EPB41L5: variants seen among roughly 807,000 people sequenced by gnomAD.
EPB41L5 encodes band 4.1-like protein 5.
A neutral mutation model predicts 106.6 loss-of-function variants in EPB41L5; 55 were observed. The ratio of observed to expected loss-of-function variants is 0.52; its 90% CI spans 0.42 to 0.65. The LOEUF (loss-of-function observed/expected upper bound fraction) is 0.65, where lower values mean the gene tolerates loss of function less well. Among genes scored for constraint, EPB41L5 ranks in the 30% least tolerant of loss-of-function variants. EPB41L5 has a pLI of 0.00. For missense variants in EPB41L5, 871 were observed against 882.1 expected (o/e 0.99, Z 0.16); for synonymous variants, 297 against 306.7 (o/e 0.97, Z 0.33).
At chr2:120,098,249 A>T (rs962128896) in intron 14 of EPB41L5, among the ~76,000 whole-genome samples, 8 of 149,974 alleles carry the variant, frequency 5.3e-5, no homozygotes, top group African/African-American at 2.0e-4. Flanking sequence ...TTGCCCTGTC[A>T]CCCAGGCTGC....
chr2:120,134,698 T>C (rs544635554), intron 18 of EPB41L5, among the ~76,000 whole-genome samples: 1 of 152,360 alleles, frequency 6.6e-6, no homozygotes, highest in African/African-American at 2.4e-5. Flanking sequence ...ACCAAGGCTG[T>C]ACCTTAACAA....
Position 120,031,550 on chromosome 2 carries a change from T to C in EPB41L5, c.181-10456T>C, listed in dbSNP as rs903561921. On this transcript the variant is annotated intron_variant, in intron 2 of 24. Transcript: ENST00000263713. ...CTGTTTTCACTTTCCTGTTTCCAGTTTGTTCATTTTCAATAGCTACAAGGT... is the reference window on the plus strand; with the variant it reads ...CTGTTTTCACTTTCCTGTTTCCAGTCTGTTCATTTTCAATAGCTACAAGGT... 2.7e-4 allele frequency among the ~76,000 whole-genome samples: 41 copies of C among 152,222 alleles called. 1 individual carries two copies. The highest frequency in any genetic ancestry group is 8.0e-4 in the African/African-American group (33 of 41,460).
intron 3 of EPB41L5, among the ~76,000 whole-genome samples, chr2:120,056,367 T>A (rs2105265986): frequency 6.6e-6 from 1 of 151,964 alleles, no homozygotes; most frequent in African/African-American, 2.4e-5. Context: ...TGGCGTGATC[T>A]CAGCTCACTG....
At chr2:120,108,004 T>C (rs564263034) in intron 16 of EPB41L5, among the ~76,000 whole-genome samples, 14 of 152,212 alleles carry the variant, frequency 9.2e-5, no homozygotes, top group African/African-American at 3.1e-4. Flanking sequence ...TTAAAAGAAA[T>C]TGGTGAAAGG....
At chr2:120,097,435 T>C (rs1179795290) in intron 14 of EPB41L5, among the ~76,000 whole-genome samples, 3 of 152,258 alleles carry the variant, frequency 2.0e-5, no homozygotes, top group Admixed American at 6.5e-5. Flanking sequence ...TTCTCGACCT[T>C]GTATTCTGCA....
intron 11 of EPB41L5, among the ~76,000 whole-genome samples, chr2:120,087,515 C>CCAGT (rs1368203518): frequency 6.6e-6 from 1 of 152,102 alleles, no homozygotes; most frequent in African/African-American, 2.4e-5. Flanking sequence ...AGTGAGCCAG[C>CCAGT]CAGTCACCCA....
intron 16 of EPB41L5, among the ~76,000 whole-genome samples, chr2:120,111,024 G>A (rs1684708626): frequency 6.6e-6 from 1 of 151,962 alleles, no homozygotes; most frequent in African/African-American, 2.4e-5. Context: ...CAAAACCTAA[G>A]AAATTAACAT....
At chr2:120,018,976 A>C (rs1677733130) in intron 1 of EPB41L5, 101 bp from the exon 2 acceptor site, 9 of 1,035,380 alleles carry the variant, frequency 8.7e-6, no homozygotes, top group Middle Eastern at 3.2e-4. Context: ...ATTTCTACTA[A>C]TGTTCACAGG....
intron 18 of EPB41L5, among the ~76,000 whole-genome samples, chr2:120,132,403 G>C (rs1466780816): frequency 2.0e-5 from 3 of 152,044 alleles, no homozygotes; most frequent in Non-Finnish European, 2.9e-5. Flanking sequence ...TGACCAAGAT[G>C]AATTTTGTTT....
intron 17 of EPB41L5, among the ~76,000 whole-genome samples, chr2:120,131,167 T>C (rs777006540): frequency 6.6e-6 from 1 of 152,198 alleles, no homozygotes; most frequent in South Asian, 2.1e-4. Flanking sequence ...CGAATAAATA[T>C]ATATTCTTCA....
intron 20 of EPB41L5, among the ~76,000 whole-genome samples, chr2:120,147,079 G>A (rs1686436870): frequency 6.6e-6 from 1 of 152,214 alleles, no homozygotes; most frequent in African/African-American, 2.4e-5. Flanking sequence ...CAGGCACGGT[G>A]TCTCAGACCT....
intron 16 of EPB41L5, among the ~76,000 whole-genome samples, chr2:120,120,121 G>A (rs112206032): frequency 0.014 from 2,080 of 152,122 alleles, 46 homozygotes; most frequent in African/African-American, 0.043. Context: ...TGTCTGAGAT[G>A]GATATGATAA....
intron 2 of EPB41L5, among the ~76,000 whole-genome samples, chr2:120,036,303 T>C (rs1340990659): frequency 6.6e-6 from 1 of 152,204 alleles, no homozygotes; most frequent in Non-Finnish European, 1.5e-5. Flanking sequence ...ATTATTAACC[T>C]GAGGGAGTTG....
At chr2:120,100,136 C>T (rs753607423) in intron 14 of EPB41L5, 108 bp from the exon 15 acceptor site, 34 of 778,152 alleles carry the variant, frequency 4.4e-5, no homozygotes, top group South Asian at 7.1e-5. Flanking sequence ...TGAAACAAAA[C>T]GTTAATATCT....
At chr2:120,105,509 A>G (rs1206331795) in intron 16 of EPB41L5, 2 of 985,162 alleles carry the variant, frequency 2.0e-6, no homozygotes, top group African/African-American at 3.5e-5. Flanking sequence ...TTAATACTGA[A>G]TGGTTGGTTG....
In EPB41L5 at chr2:120,074,198, T is replaced by C; in HGVS notation, c.407+20T>C. On this transcript the variant is annotated intron_variant, in intron 5 of 24. Coordinates refer to ENST00000263713, the MANE Select transcript of EPB41L5 (RefSeq NM_020909.4). ...AACCCGGTAAGAACACCATCTAGAA[T>C]TGTGCCAGGGTTATTTTGATAGTTT... 1 of 1,574,604 alleles carries C rather than the reference T, an allele frequency of 6.4e-7. No homozygotes were observed. The highest frequency in any genetic ancestry group is 1.1e-5 in the South Asian group (1 of 87,970).
intron 3 of EPB41L5, among the ~76,000 whole-genome samples, chr2:120,068,117 A>C (rs1681573852): frequency 6.6e-6 from 1 of 152,216 alleles, no homozygotes; most frequent in Non-Finnish European, 1.5e-5. Flanking sequence ...CAATGGGTGC[A>C]GCTCATGGAG....
chr2:120,019,264 A>C lies in EPB41L5; in HGVS notation c.180A>C (p.Pro60=), dbSNP rs755576559. Residue 60 remains proline (P), a splice_region_variant and synonymous_variant, in exon 2 of 25, where the codon CCA becomes CCC. Coordinates refer to ENST00000263713, the MANE Select transcript of EPB41L5 (RefSeq NM_020909.4). ...LDGTDVSVDL[P]KKAKGQELFD... is the part of the protein sequence containing the mutation. ...GTACTGATGTTAGTGTGGACTTGCC[A>C]GTAAGTAGGTCTTGCTGAGCTCCAA... The C allele has an allele frequency of 1.2e-6, 2 of 1,605,216 alleles. No homozygotes were observed. Among genetic ancestry groups the C allele is most frequent in the South Asian group, 2.2e-5 (2 of 90,010 alleles).
At chr2:120,040,199 A>G (rs1322861976) in intron 2 of EPB41L5, among the ~76,000 whole-genome samples, 2 of 152,136 alleles carry the variant, frequency 1.3e-5, no homozygotes, top group Non-Finnish European at 2.9e-5. Context: ...GTTGACGTCT[A>G]GAATTAAAGA....
Sources: gnomAD v4.1 joint callset for allele counts (sites outside exome capture counted in the v4.1 genomes callset) on GRCh38, gnomAD v4.1.1 for gene constraint, MANE v1.5 for transcripts, NCBI Gene and HGNC (gene_info 2026-07-23, HGNC 2026-07-21) for gene names.